The following NCOR2 variants were observed in gnomAD, a reference collection of about 807,000 sequenced individuals.
NCOR2 encodes the protein CTG repeat protein 26.
NCOR2 carries 81 observed loss-of-function variants against 262.9 expected under a neutral mutation model. That is an observed-to-expected ratio of 0.31 (90% CI 0.26 to 0.37). NCOR2 has a LOEUF of 0.37. Ranked by LOEUF, NCOR2 falls within the 10% of genes least tolerant of loss-of-function variation. The pLI, the probability that NCOR2 is intolerant of heterozygous loss-of-function variation, is 1.00. For synonymous variants in NCOR2, 1,659 were observed against 1,559.3 expected (o/e 1.06, Z -1.51); for missense variants, 3,385 against 3,621.4 (o/e 0.93, Z 1.68).
chr12:124,479,224 GCA>G (rs1422753958), intron 3 of NCOR2, among the ~76,000 whole-genome samples: 10 of 152,138 alleles, frequency 6.6e-5, no homozygotes, highest in Admixed American at 6.5e-4. Flanking sequence ...ACAAACACAT[GCA>G]CACACACGTG....
chr12:124,474,817 C>T (rs533720220), intron 3 of NCOR2, among the ~76,000 whole-genome samples: 2 of 152,326 alleles, frequency 1.3e-5, no homozygotes, highest in South Asian at 4.1e-4. Context: ...CGCCCTGTGC[C>T]ATCCTTGGGG....
chr12:124,555,361 AGT>A, intron 1 of NCOR2, among the ~76,000 whole-genome samples: 1 of 152,078 alleles, frequency 6.6e-6, no homozygotes. Flanking sequence ...TATACCCTCC[AGT>A]GTGTGCACAG....
chr12:124,418,304 C>T (rs1192662401), intron 13 of NCOR2, among the ~76,000 whole-genome samples: 2 of 152,156 alleles, frequency 1.3e-5, no homozygotes, highest in Admixed American at 6.5e-5. Flanking sequence ...GTTGGGAATG[C>T]GGCGAGGGGT....
rs759613658 is a variant in NCOR2 at position 124,553,276 on chromosome 12, C to CAT, written c.-165+14030_-165+14031dup. ...GGGCAGATAATCTAGGATAATCTCC[C>CAT]ATCTCAAGGTCAGCTGGTTAGCAGC... is the stretch of plus-strand genomic sequence containing the variant. On this transcript the variant is annotated intron_variant, in intron 1 of 32. Transcript: ENST00000458234. 3.3e-5 allele frequency among the ~76,000 whole-genome samples: 5 copies of CAT among 152,202 alleles called. No homozygotes were observed. In the South Asian group the frequency reaches 1.0e-3, roughly 31 times the overall value.
chr12:124,528,585 C>G (rs1255032514), intron 1 of NCOR2, among the ~76,000 whole-genome samples: 1 of 152,216 alleles, frequency 6.6e-6, no homozygotes, highest in Non-Finnish European at 1.5e-5. Context: ...GACATTCACT[C>G]AACAGTGCTC....
chr12:124,477,595 C>T (rs1274243837), intron 3 of NCOR2, among the ~76,000 whole-genome samples: 1 of 152,232 alleles, frequency 6.6e-6, no homozygotes, highest in East Asian at 1.9e-4. Context: ...CCAACGAGCT[C>T]TTCACTTTAA....
intron 1 of NCOR2, among the ~76,000 whole-genome samples, chr12:124,505,127 G>A (rs904574664): frequency 2.6e-5 from 4 of 152,180 alleles, no homozygotes; most frequent in East Asian, 1.9e-4. Context: ...AGATAGGCTC[G>A]GCTTTCCCTA....
At chr12:124,416,373 A>G (rs2042858242) in intron 13 of NCOR2, among the ~76,000 whole-genome samples, 1 of 152,156 alleles carries the variant, frequency 6.6e-6, no homozygotes, top group Admixed American at 6.5e-5. Flanking sequence ...TCCTGAAGAC[A>G]CGCGCTGTCT....
chr12:124,461,221 C>G (rs1283568807), intron 5 of NCOR2, among the ~76,000 whole-genome samples: 1 of 152,250 alleles, frequency 6.6e-6, no homozygotes, highest in African/African-American at 2.4e-5. Context: ...GCCGAGGTCT[C>G]TGCTCTGATC....
upstream of NCOR2, among the ~76,000 whole-genome samples, chr12:124,499,749 T>G (rs948521856): frequency 6.6e-6 from 1 of 152,038 alleles, no homozygotes; most frequent in Non-Finnish European, 1.5e-5. Flanking sequence ...TAAGGATGGA[T>G]TTTGTTCTCA....
At chr12:124,354,346 G>GA (rs915329627) in intron 26 of NCOR2, 132 bp downstream of exon 28, 1 of 1,144,746 alleles carries the variant, frequency 8.7e-7, no homozygotes, top group African/African-American at 1.5e-5. Flanking sequence ...AATGGTGAGG[G>GA]AGACAGCTGT....
Position 124,340,756 on chromosome 12 carries a change from G to C in NCOR2, c.5189-5C>G. 6.5e-7 allele frequency: 1 copy of C among 1,532,002 alleles called. No individual in the cohort carries two copies. The allele number at this position is 1,532,002 out of a possible 1,614,324, so 94.9% of individuals were successfully genotyped here. On this transcript the variant is annotated splice_polypyrimidine_tract_variant and splice_region_variant and intron_variant, in intron 34 of 46. Transcript: ENST00000405201. ...CTTGGGACAGGTCGATGATGCCTGCGGGAGGTGTTGGGCCAGGGCTGTAGC... is the reference window on the plus strand; with the variant it reads ...CTTGGGACAGGTCGATGATGCCTGCCGGAGGTGTTGGGCCAGGGCTGTAGC...
At chr12:124,374,463 G>A in exon 19 of NCOR2, 6 of 1,612,414 alleles carry the variant, frequency 3.7e-6, no homozygotes, top group Non-Finnish European at 4.2e-6. Flanking sequence ...GGCATGTAAG[G>A]CTGGAAGGAA....
At chr12:124,452,617 G>C (rs1019262595) in intron 6 of NCOR2, among the ~76,000 whole-genome samples, 5 of 152,278 alleles carry the variant, frequency 3.3e-5, no homozygotes, top group Non-Finnish European at 5.9e-5. Context: ...GCCAGAAAGG[G>C]GCTGGAAGCC....
chr12:124,432,527 C>T lies in NCOR2; in HGVS notation c.883-1740G>A, dbSNP rs1452541571. On this transcript the variant is annotated intron_variant, in intron 8 of 46. Transcript: ENST00000405201. The surrounding 1 kb of genome is among the most constrained non-coding windows in gnomAD (Gnocchi z 5.1). ...AGCCACATGCGGCTGGGGCTCCGGC[C>T]GCACCAGACAGCCCGGATGGAGCCC... 6.6e-6 allele frequency among the ~76,000 whole-genome samples: 1 copy of T among 152,194 alleles called. No homozygotes were observed. The highest frequency in any genetic ancestry group is 1.5e-5 in the Non-Finnish European group (1 of 68,038).
intron 1 of NCOR2, among the ~76,000 whole-genome samples, chr12:124,509,064 C>A (rs915860848): frequency 1.3e-5 from 2 of 152,138 alleles, no homozygotes; most frequent in Non-Finnish European, 2.9e-5. Context: ...GGGACCCCAA[C>A]CTGGCCCCAT....
chr12:124,381,927 G>A (rs1462259860), intron 17 of NCOR2, among the ~76,000 whole-genome samples: 2 of 152,220 alleles, frequency 1.3e-5, no homozygotes, highest in African/African-American at 2.4e-5. Context: ...GACATGCCCC[G>A]CCCGCCCGGC....
At chr12:124,539,325 C>G (rs950199125), upstream of NCOR2, 2 of 152,836 alleles carry the variant, frequency 1.3e-5, no homozygotes, top group Non-Finnish European at 2.9e-5. The surrounding 1 kb of genome is among the most constrained non-coding windows in gnomAD (Gnocchi z 5.1). Flanking sequence ...ACCCGGTTCA[C>G]ACTCACCGGC....
intron 37 of NCOR2, among the ~76,000 whole-genome samples, chr12:124,339,219 A>ACCACCC (rs1566363037): frequency 9.5e-5 from 6 of 63,312 alleles, no homozygotes; most frequent in African/African-American, 2.2e-4. Flanking sequence ...TCTACCTACC[A>ACCACCC]CCCACCCACC....
Sources: gnomAD v4.1 joint callset for allele counts (sites outside exome capture counted in the v4.1 genomes callset) on GRCh38, gnomAD v4.1.1 for gene constraint, Gnocchi (gnomAD v3.1) non-coding constraint, MANE v1.5 for transcripts, NCBI Gene and HGNC (gene_info 2026-07-23, HGNC 2026-07-21) for gene names.